ANKDD1A: variants seen among roughly 807,000 people sequenced by gnomAD.
The protein encoded by ANKDD1A is ankyrin repeat and death domain-containing protein 1A.
A neutral mutation model predicts 63.5 loss-of-function variants in ANKDD1A; 59 were observed. The ratio of observed to expected loss-of-function variants is 0.93; its 90% CI spans 0.75 to 1.15. The LOEUF (loss-of-function observed/expected upper bound fraction) is 1.15, where lower values mean the gene tolerates loss of function less well. ANKDD1A is among the 50% of genes most tolerant of loss of function. The pLI is 0.00. For synonymous variants in ANKDD1A, 266 were observed against 263.9 expected (o/e 1.01, Z -0.08); for missense variants, 632 against 656.4 (o/e 0.96, Z 0.41).
At chr15:64,912,124 G>A (rs1595844136) in intron 1 of ANKDD1A, among the ~76,000 whole-genome samples, 160 bp downstream of exon 1, 1 of 152,142 alleles carries the variant, frequency 6.6e-6, no homozygotes, top group East Asian at 1.9e-4. Context: ...TCCGCGCACT[G>A]GGCCGAGGGG....
In ANKDD1A at chr15:64,917,243, G is replaced by A. The variant is rs968367839; in HGVS notation, c.139-143G>A. On this transcript the variant is annotated intron_variant, in intron 2 of 14. Transcript: ENST00000319580. Reference sequence around the variant, plus strand: ...GGAGAGGAGCATGTGGCAGAATGGGGCTGGGTCCCCAGCTAGCTGGGGACC... The same window carrying A: ...GGAGAGGAGCATGTGGCAGAATGGGACTGGGTCCCCAGCTAGCTGGGGACC... 4.6e-6 allele frequency: 5 copies of A among 1,086,544 alleles called. No homozygotes were observed. The South Asian group carries it at 9.2e-5, about 20-fold the overall frequency. The allele number at this position is 1,086,544 out of a possible 1,614,324, so 67.3% of individuals were successfully genotyped here.
chr15:64,947,704 C>A, intron 13 of ANKDD1A, 111 bp downstream of exon 13: 3 of 1,326,940 alleles, frequency 2.3e-6, no homozygotes, highest in Non-Finnish European at 2.1e-6. Context: ...CAACCCACAG[C>A]CTGGTCCCAC....
At chr15:64,951,690 C>T (rs2085282625) in intron 14 of ANKDD1A, among the ~76,000 whole-genome samples, 3 of 5,524 alleles carry the variant, frequency 5.4e-4, no homozygotes, top group East Asian at 0.036. Context: ...CTTTCTTCTT[C>T]CTCTTCTTCT....
intron 14 of ANKDD1A, chr15:64,950,723 A>AGGGGGGG: frequency 1.1e-6 from 1 of 919,624 alleles, no homozygotes; most frequent in Non-Finnish European, 1.3e-6. Flanking sequence ...GGGAAAAGAA[A>AGGGGGGG]GGACCGCCCC....
chr15:64,938,781 A>G (rs2140376778), intron 9 of ANKDD1A, among the ~76,000 whole-genome samples: 1 of 151,906 alleles, frequency 6.6e-6, no homozygotes, highest in South Asian at 2.1e-4. Flanking sequence ...GTGAAACCCC[A>G]TCTTAACTCA....
At chr15:64,920,689 C>G (rs1264208009) in intron 3 of ANKDD1A, among the ~76,000 whole-genome samples, 2 of 152,044 alleles carry the variant, frequency 1.3e-5, no homozygotes, top group Non-Finnish European at 2.9e-5. Context: ...GTAGCTGGGA[C>G]TACAGGCACG....
chr15:64,950,039 C>A, intron 14 of ANKDD1A, 67 bp downstream of exon 14: 3 of 1,579,562 alleles, frequency 1.9e-6, no homozygotes, highest in Non-Finnish European at 2.6e-6. Flanking sequence ...GCAGCAGGGC[C>A]CTCCAAGGGC....
At chr15:64,927,602 C>CTTTTTT (rs5813333) in intron 6 of ANKDD1A, among the ~76,000 whole-genome samples, 1 of 130,644 alleles carries the variant, frequency 7.7e-6, no homozygotes, top group Non-Finnish European at 1.6e-5. Flanking sequence ...AGCAAATTCC[C>CTTTTTT]TTTTTTTTTT....
chr15:64,954,718 T>TTTC (rs1276772906), intron 14 of ANKDD1A, among the ~76,000 whole-genome samples: 3 of 141,146 alleles, frequency 2.1e-5, no homozygotes, highest in African/African-American at 8.0e-5. Flanking sequence ...TTCTTCTCCT[T>TTTC]CTCCTCCTCC....
Position 64,955,013 on chromosome 15 carries a change from C to CACTTCTTCTTCT in ANKDD1A, c.1484-2089_1484-2078dup, listed in dbSNP as rs1489076435. 4.8e-3 allele frequency among the ~76,000 whole-genome samples: 637 copies of CACTTCTTCTTCT among 133,954 alleles called. 7 individuals carry two copies. The highest frequency in any genetic ancestry group is 0.017 in the African/African-American group (617 of 35,820). 87.9% of individuals were successfully genotyped at this position (133,954 alleles called of 152,430 possible). On this transcript the variant is annotated intron_variant, in intron 14 of 14. Transcript: ENST00000319580. ...TCCTCTTCCTCTTTCCTTCTTCTTC[C>CACTTCTTCTTCT]ACTTCTTCTTCTTCCTCTTCTTCTT...
At chr15:64,945,618 A>ATAT in intron 12 of ANKDD1A, among the ~76,000 whole-genome samples, 1 of 69,084 alleles carries the variant, frequency 1.4e-5, no homozygotes, top group Non-Finnish European at 2.6e-5. Flanking sequence ...ATATATATAT[A>ATAT]TATATATATA....
chr15:64,948,807 CAG>C (rs2085244579), intron 13 of ANKDD1A, among the ~76,000 whole-genome samples: 1 of 151,550 alleles, frequency 6.6e-6, no homozygotes, highest in African/African-American at 2.4e-5. Flanking sequence ...GCCTGGGGGA[CAG>C]AGTGAGACTC....
At chr15:64,955,959 A>G (rs1445849367) in intron 14 of ANKDD1A, among the ~76,000 whole-genome samples, 1 of 152,258 alleles carries the variant, frequency 6.6e-6, no homozygotes, top group African/African-American at 2.4e-5. Context: ...AAGATTGGAA[A>G]CAAACCAAGT....
At chr15:64,951,790 TTC>T (rs1259543343) in intron 14 of ANKDD1A, among the ~76,000 whole-genome samples, 1 of 143,266 alleles carries the variant, frequency 7.0e-6, no homozygotes, top group African/African-American at 2.5e-5. Context: ...TTCTTCTTCC[TTC>T]TTTCTTTCCT....
At chr15:64,924,336 A>G (rs876431) in intron 4 of ANKDD1A, among the ~76,000 whole-genome samples, 50,592 of 152,210 alleles carry the variant, frequency 0.33, 9,028 homozygotes, top group East Asian at 0.69. Context: ...GCCACGTGGT[A>G]TCACCTCCAT....
At chr15:64,935,750 A>G (rs2140374886) in intron 9 of ANKDD1A, among the ~76,000 whole-genome samples, 1 of 152,054 alleles carries the variant, frequency 6.6e-6, no homozygotes, top group East Asian at 1.9e-4. Context: ...AGGCTGAAGC[A>G]CGAGAATCAC....
At chr15:64,925,084 C>T (rs577533714) in intron 4 of ANKDD1A, among the ~76,000 whole-genome samples, 6 of 151,794 alleles carry the variant, frequency 4.0e-5, no homozygotes, top group Non-Finnish European at 8.8e-5. Context: ...AAAAATTAGC[C>T]GGGCGTGGTG....
intron 14 of ANKDD1A, among the ~76,000 whole-genome samples, chr15:64,954,930 CCTTCTT>C (rs145149466): frequency 5.4e-5 from 8 of 148,040 alleles, no homozygotes; most frequent in East Asian, 2.0e-4. Context: ...TCCTTCTTCT[CCTTCTT>C]CTTGTCTCTT....
At chr15:64,930,416 A>G (rs957109773) in intron 6 of ANKDD1A, among the ~76,000 whole-genome samples, 1 of 152,172 alleles carries the variant, frequency 6.6e-6, no homozygotes, top group Non-Finnish European at 1.5e-5. Context: ...TGGCCCGGGC[A>G]GGCCATGCTA....
Sources: gnomAD v4.1 joint callset for allele counts (sites outside exome capture counted in the v4.1 genomes callset) on GRCh38, gnomAD v4.1.1 for gene constraint, MANE v1.5 for transcripts, NCBI Gene and HGNC (gene_info 2026-07-23, HGNC 2026-07-21) for gene names.